Variants in SSPN observed in about 807,000 individuals in gnomAD.
SSPN encodes the protein sarcospan.
A neutral mutation model predicts 19.1 loss-of-function variants in SSPN; 15 were observed. The observed-to-expected ratio is 0.78, with a 90% confidence interval of 0.52 to 1.21. The LOEUF (loss-of-function observed/expected upper bound fraction) is 1.21. SSPN is among the 50% of genes most tolerant of loss of function. The pLI is 0.00. For synonymous variants in SSPN, 147 were observed against 140.3 expected (o/e 1.05, Z -0.34); for missense variants, 291 against 314.0 (o/e 0.93, Z 0.55).
chr12:26,123,700 A>C (rs573569200), intron 1 of SSPN: 2 of 1,614,052 alleles, frequency 1.2e-6, no homozygotes, highest in Non-Finnish European at 1.7e-6. Context: ...AGTGTTTCAA[A>C]GTTAATTCCA....
chr12:26,175,138 G>T (rs948358192), intron 1 of SSPN, among the ~76,000 whole-genome samples: 1 of 152,248 alleles, frequency 6.6e-6, no homozygotes, highest in Non-Finnish European at 1.5e-5. Flanking sequence ...TTTCCGAAGT[G>T]GGTGTAGCAT....
At chr12:26,175,837 GAGT>G (rs1198686305) in intron 1 of SSPN, among the ~76,000 whole-genome samples, 2 of 47,420 alleles carry the variant, frequency 4.2e-5, no homozygotes, top group African/African-American at 2.0e-4. Context: ...AATTTATTTT[GAGT>G]TTTTTTTTTT....
At chr12:26,195,984 T>C (rs1350884791) in intron 1 of SSPN, 33 bp downstream of exon 1, 1 of 1,436,194 alleles carries the variant, frequency 7.0e-7, no homozygotes, top group Non-Finnish European at 9.2e-7. Flanking sequence ...CTAAGCGCGT[T>C]TGCCAAACAG....
intron 1 of SSPN, among the ~76,000 whole-genome samples, chr12:26,160,540 A>T (rs911311414): frequency 2.6e-5 from 4 of 152,242 alleles, no homozygotes; most frequent in Non-Finnish European, 5.9e-5. Context: ...TTGAAAAATT[A>T]TGCAAGCAGC....
intron 1 of SSPN, among the ~76,000 whole-genome samples, chr12:26,179,839 T>G (rs1238787111): frequency 2.0e-5 from 3 of 151,766 alleles, no homozygotes; most frequent in Non-Finnish European, 4.4e-5. Flanking sequence ...GTATACGGTG[T>G]TGCAGTATCT....
chr12:26,216,161 C>G (rs1945046982), intron 1 of SSPN, among the ~76,000 whole-genome samples: 1 of 152,112 alleles, frequency 6.6e-6, no homozygotes, highest in African/African-American at 2.4e-5. Flanking sequence ...TTCTACTAGT[C>G]AGTGTGTCAC....
chr12:26,206,250 A>T (rs528562610), intron 1 of SSPN, among the ~76,000 whole-genome samples: 1 of 152,150 alleles, frequency 6.6e-6, no homozygotes, highest in Non-Finnish European at 1.5e-5. Context: ...CCTCATGTTG[A>T]AAAGGACAAA....
intron 1 of SSPN, among the ~76,000 whole-genome samples, chr12:26,185,498 T>C (rs187004225): frequency 9.2e-5 from 14 of 152,220 alleles, no homozygotes; most frequent in Admixed American, 9.2e-4. Context: ...CACAGCACCT[T>C]GTACTGGTCT....
chr12:26,186,991 A>T (rs1471132320), intron 1 of SSPN, among the ~76,000 whole-genome samples: 2 of 152,110 alleles, frequency 1.3e-5, no homozygotes, highest in East Asian at 1.9e-4. Context: ...CTCTTCGTAC[A>T]TTGGCCTTAT....
rs993187415 is a variant in SSPN at position 26,209,691 on chromosome 12, A to G, written c.279+13740A>G. Among the ~76,000 whole-genome samples, 13 of 151,458 alleles carry G rather than the reference A, an allele frequency of 8.6e-5. No individual in the cohort carries two copies. In the East Asian group the frequency reaches 2.5e-3, roughly 29 times the overall value. ...TGCTTTAAAAACTGTCCTGTTCTTT[A>G]TGTTTTCAGTTCCTTCCTTCATGTG... On this transcript the variant is annotated intron_variant, in intron 1 of 2. Coordinates refer to ENST00000242729, the MANE Select transcript of SSPN (RefSeq NM_005086.5).
At chr12:26,225,807 A>G (rs528168963) in intron 2 of SSPN, among the ~76,000 whole-genome samples, 2 of 151,298 alleles carry the variant, frequency 1.3e-5, no homozygotes, top group East Asian at 3.9e-4. Context: ...AAATTACAAG[A>G]ACTTCATCCA....
intron 1 of SSPN, chr12:26,123,881 A>G (rs1289803521): frequency 3.9e-6 from 3 of 772,338 alleles, no homozygotes; most frequent in African/African-American, 3.4e-5. Context: ...GCTTTCCACA[A>G]GACAGGTTAT....
chr12:26,220,247 CAA>C (rs58022147), intron 1 of SSPN, among the ~76,000 whole-genome samples: 18,535 of 114,084 alleles, frequency 0.16, 1,475 homozygotes, highest in Admixed American at 0.32. Context: ...AAGCTGTAGG[CAA>C]AAAAAAAAAA....
chr12:26,197,692 T>C (rs192920753), intron 1 of SSPN, among the ~76,000 whole-genome samples: 15 of 152,344 alleles, frequency 9.8e-5, no homozygotes, highest in Admixed American at 9.8e-4. Flanking sequence ...TGGGAGATGA[T>C]GTTCCTAATT....
chr12:26,137,656 A>ATATATATATATATTTT (rs1377562695), intron 1 of SSPN, among the ~76,000 whole-genome samples: 1 of 76,434 alleles, frequency 1.3e-5, no homozygotes, highest in African/African-American at 6.6e-5. Context: ...ATATATATAT[A>ATATATATATATATTTT]TTTTTTTTTT....
chr12:26,191,731 G>A (rs1465301368), upstream of SSPN, among the ~76,000 whole-genome samples: 1 of 151,110 alleles, frequency 6.6e-6, no homozygotes, highest in Non-Finnish European at 1.5e-5. Context: ...TACACACACA[G>A]AGGTCAGCAA....
chr12:26,162,414 A>G (rs1944594968), intron 1 of SSPN, among the ~76,000 whole-genome samples: 2 of 152,208 alleles, frequency 1.3e-5, no homozygotes, highest in South Asian at 4.1e-4. Context: ...TGTTAATAAC[A>G]TGAGCTCCTT....
At chr12:26,181,842 C>T (rs915413056) in intron 1 of SSPN, among the ~76,000 whole-genome samples, 3 of 152,110 alleles carry the variant, frequency 2.0e-5, no homozygotes, top group Non-Finnish European at 2.9e-5. Flanking sequence ...GAAATGGAAA[C>T]GTATATGTAG....
chr12:26,156,207 C>T (rs1011854876), intron 1 of SSPN, among the ~76,000 whole-genome samples: 1 of 152,146 alleles, frequency 6.6e-6, no homozygotes, highest in Non-Finnish European at 1.5e-5. Context: ...ACATGACTTC[C>T]GTTTACACAG....
Sources: allele counts gnomAD v4.1 joint callset (sites outside exome capture counted in the v4.1 genomes callset), GRCh38; gene constraint gnomAD v4.1.1; transcripts MANE v1.5; gene names NCBI Gene and HGNC (gene_info 2026-07-23, HGNC 2026-07-21).